Variants in DEFB106B observed in about 807,000 individuals in gnomAD.
DEFB106B encodes the protein beta-defensin 106.
intron 1 of DEFB106B, among the ~76,000 whole-genome samples, chr8:7,484,623 A>G (rs1363572566): frequency 7.5e-6 from 1 of 133,542 alleles, no homozygotes; most frequent in African/African-American, 2.9e-5. Context: ...CTATAATCCC[A>G]GCACTTTGGG....
At chr8:7,484,115 A>G (rs111216049) in intron 1 of DEFB106B, among the ~76,000 whole-genome samples, 1,580 of 137,520 alleles carry the variant, frequency 0.011, 14 homozygotes, top group African/African-American at 0.04. Context: ...AGAGTATTAT[A>G]CTAGTATATA....
At chr8:7,484,364 AT>A (rs1415039068) in intron 1 of DEFB106B, among the ~76,000 whole-genome samples, 18 of 147,210 alleles carry the variant, frequency 1.2e-4, no homozygotes, top group African/African-American at 3.5e-4. Context: ...ATACTAGTGT[AT>A]TATACTAGTA....
chr8:7,484,572 C>A (rs2128880625), intron 1 of DEFB106B, among the ~76,000 whole-genome samples: 1 of 137,722 alleles, frequency 7.3e-6, no homozygotes, highest in East Asian at 2.1e-4. Context: ...TAATAATATA[C>A]TAGTATAATA....
intron 1 of DEFB106B, among the ~76,000 whole-genome samples, chr8:7,484,148 A>C (rs149727094): frequency 0.23 from 17,853 of 78,726 alleles, 612 homozygotes; most frequent in Admixed American, 0.26. Context: ...GAGTATTATA[A>C]TAGTATATAT....
At chr8:7,484,396 T>A (rs1258529758) in intron 1 of DEFB106B, among the ~76,000 whole-genome samples, 32 of 123,874 alleles carry the variant, frequency 2.6e-4, no homozygotes, top group South Asian at 7.7e-4. Flanking sequence ...ACTATATACT[T>A]GTGTATTATA....
At chr8:7,484,538 C>CTAGAGTATT (rs1811417004) in intron 1 of DEFB106B, among the ~76,000 whole-genome samples, 1 of 123,058 alleles carries the variant, frequency 8.1e-6, no homozygotes, top group Non-Finnish European at 1.7e-5. Context: ...TACTATATTA[C>CTAGAGTATT]ATACTAGTAT....
intron 1 of DEFB106B, among the ~76,000 whole-genome samples, chr8:7,484,538 C>A (rs1306074067): frequency 8.1e-6 from 1 of 123,056 alleles, no homozygotes; most frequent in African/African-American, 3.4e-5. Flanking sequence ...TACTATATTA[C>A]ATACTAGTAT....
intron 1 of DEFB106B, among the ~76,000 whole-genome samples, chr8:7,484,710 AAAAT>A (rs1811425709): frequency 8.5e-6 from 1 of 118,316 alleles, no homozygotes; most frequent in Admixed American, 9.1e-5. Context: ...GTCTCTACTA[AAAAT>A]ACAAAAAATT....
intron 1 of DEFB106B, among the ~76,000 whole-genome samples, chr8:7,483,686 C>G (rs1260768164): frequency 1.0e-5 from 1 of 96,934 alleles, no homozygotes; most frequent in South Asian, 3.4e-4. Context: ...TATTTCAAAG[C>G]TCGATGAACT....
At chr8:7,484,202 C>G (rs535184951) in intron 1 of DEFB106B, among the ~76,000 whole-genome samples, 74 of 136,882 alleles carry the variant, frequency 5.4e-4, no homozygotes, top group African/African-American at 1.9e-3. Flanking sequence ...ATACACTATA[C>G]TATATACTAG....
rs2738002 is a variant in DEFB106B at position 7,483,316 on chromosome 8, C to T, written c.50-564G>A. On this transcript the variant is annotated intron_variant, in intron 1 of 1. Coordinates refer to ENST00000335479, the MANE Select transcript of DEFB106B (RefSeq NM_001040704.2). ...TGTGCTTTAGAGAAGGAGGGTGCAG[C>T]ATGTTGGGAATGTTTTTCTAAGATT... Among the ~76,000 whole-genome samples the T allele has an allele frequency of 3.6e-3, 370 of 102,850 alleles. 9 individuals carry two copies. The highest frequency in any genetic ancestry group is 9.3e-3 in the Middle Eastern group (2 of 216). 67.5% of individuals were successfully genotyped at this position (102,850 alleles called of 152,430 possible). A position where few individuals can be genotyped will look rare whatever the true frequency, so the allele number is the denominator to read the frequency against.
chr8:7,484,825 T>C (rs1351452831), intron 1 of DEFB106B, among the ~76,000 whole-genome samples: 2 of 95,592 alleles, frequency 2.1e-5, no homozygotes, highest in East Asian at 2.8e-4. Context: ...TGAGCTGAGA[T>C]TGTGAAACTG....
At chr8:7,484,284 C>T (rs1811397803) in intron 1 of DEFB106B, among the ~76,000 whole-genome samples, 1 of 139,690 alleles carries the variant, frequency 7.2e-6, no homozygotes, top group South Asian at 2.3e-4. Context: ...ATACTATATG[C>T]TAGAGTATTA....
Position 7,485,014 on chromosome 8 carries a change from C to G in DEFB106B, c.49+1320G>C, listed in dbSNP as rs1311327695. 4.6e-5 allele frequency among the ~76,000 whole-genome samples: 3 copies of G among 65,730 alleles called. 1 individual carries two copies. Among genetic ancestry groups the G allele is most frequent in the African/African-American group, 7.4e-5 (1 of 13,442 alleles). 43.1% of individuals were successfully genotyped at this position (65,730 alleles called of 152,430 possible). A position where few individuals can be genotyped will look rare whatever the true frequency, so the allele number is the denominator to read the frequency against. ...TACTATGCTATACTATAATACTAAACTAAACCAAAAAGATTTTCTCTAATA... is the reference window on the plus strand; with the variant it reads ...TACTATGCTATACTATAATACTAAAGTAAACCAAAAAGATTTTCTCTAATA... On this transcript the variant is annotated intron_variant, in intron 1 of 1. Coordinates refer to ENST00000335479, the MANE Select transcript of DEFB106B (RefSeq NM_001040704.2).
At chr8:7,484,079 C>T (rs1372745463) in intron 1 of DEFB106B, among the ~76,000 whole-genome samples, 20 of 124,504 alleles carry the variant, frequency 1.6e-4, no homozygotes, top group Non-Finnish European at 2.8e-4. Flanking sequence ...TATTATCATA[C>T]CAGTATATAT....
chr8:7,484,394 C>T (rs1211917327), intron 1 of DEFB106B, among the ~76,000 whole-genome samples: 9 of 147,316 alleles, frequency 6.1e-5, no homozygotes, highest in African/African-American at 2.0e-4. Flanking sequence ...ATACTATATA[C>T]TTGTGTATTA....
chr8:7,484,552 A>T (rs903894616), intron 1 of DEFB106B, among the ~76,000 whole-genome samples: 2 of 139,144 alleles, frequency 1.4e-5, no homozygotes, highest in Admixed American at 7.4e-5. Context: ...CTAGTATATA[A>T]TACTACTAGT....
Position 7,484,892 on chromosome 8 carries a change from A to ATG in DEFB106B, c.49+1441_49+1442insCA, listed in dbSNP as rs1159763340. On this transcript the variant is annotated intron_variant, in intron 1 of 1. Coordinates refer to ENST00000335479, the MANE Select transcript of DEFB106B (RefSeq NM_001040704.2). ...ATCTCAAAAAAAAAAAAAAATATGT[A>ATG]TATATATATATATAAAATATATACT... Among the ~76,000 whole-genome samples the ATG allele has an allele frequency of 1.1e-4, 3 of 26,266 alleles. 1 individual carries two copies. The highest frequency in any genetic ancestry group is 2.9e-4 in the Non-Finnish European group (3 of 10,484). The allele number at this position is 26,266 out of a possible 152,430, so 17.2% of individuals were successfully genotyped here. A position where few individuals can be genotyped will look rare whatever the true frequency, so the allele number is the denominator to read the frequency against.
chr8:7,486,243 TG>T, intron 1 of DEFB106B, 90 bp downstream of exon 1: 3 of 1,602,876 alleles, frequency 1.9e-6, no homozygotes, highest in Non-Finnish European at 2.6e-6. Flanking sequence ...TTGTAGTAGA[TG>T]GGTTGATCAC....
Sources: allele counts gnomAD v4.1 joint callset (sites outside exome capture counted in the v4.1 genomes callset), GRCh38; gene constraint gnomAD v4.1.1; transcripts MANE v1.5; gene names NCBI Gene and HGNC (gene_info 2026-07-23, HGNC 2026-07-21).